Variants in TOGARAM2 observed in about 807,000 individuals in gnomAD.
TOGARAM2 encodes TOG array regulator of axonemal microtubules 2.
Under a neutral mutation model 93.3 loss-of-function variants are expected in TOGARAM2, and 85 were observed. The ratio of observed to expected loss-of-function variants is 0.91; its 90% confidence interval spans 0.76 to 1.09. The LOEUF is 1.09. Ranked by LOEUF, TOGARAM2 falls within the 50% of genes least tolerant of loss-of-function variation. TOGARAM2 has a pLI of 0.00. For synonymous variants in TOGARAM2, 593 were observed against 552.8 expected, an observed-to-expected ratio of 1.07 and a Z score of -1.02; for missense variants, 1,277 against 1,334.5, an observed-to-expected ratio of 0.96 and a Z score of 0.67.
At position 28,994,818 on chromosome 2, in the gene TOGARAM2, C is replaced by T; in HGVS notation, c.-17C>T. On this transcript the variant is annotated 5_prime_UTR_variant, in exon 2 of 20. Transcript: ENST00000379558. ...CTGCCTCTGGGCAACCTTGTAGGCA[C>T]CTTCTCCACCCAGGACATGGGCACC... 5 of 1,552,126 alleles carry T rather than the reference C, an allele frequency of 3.2e-6. No individual in the cohort carries two copies. The highest frequency in any genetic ancestry group is 4.4e-6 in the Non-Finnish European group (5 of 1,147,206).
At chr2:29,027,065 T>G in intron 14 of TOGARAM2, 54 bp downstream of exon 14, 1 of 1,481,546 alleles carries the variant, frequency 6.7e-7, no homozygotes, top group South Asian at 1.4e-5. Context: ...CAGCCAGCCC[T>G]GAGGGGCCTG....
At chr2:29,005,983 G>A (rs1663758217) in intron 6 of TOGARAM2, among the ~76,000 whole-genome samples, 1 of 141,598 alleles carries the variant, frequency 7.1e-6, no homozygotes, top group African/African-American at 2.6e-5. Context: ...GACCGTATGA[G>A]TGCATGTGTA....
At chr2:28,997,487 C>A (rs1374832711) in intron 2 of TOGARAM2, among the ~76,000 whole-genome samples, 2 of 152,208 alleles carry the variant, frequency 1.3e-5, no homozygotes, top group Non-Finnish European at 2.9e-5. Flanking sequence ...TCAAGTCTCA[C>A]TGAGGACTGA....
intron 6 of TOGARAM2, among the ~76,000 whole-genome samples, chr2:29,009,899 C>T (rs952730117): frequency 6.6e-6 from 1 of 152,110 alleles, no homozygotes; most frequent in Non-Finnish European, 1.5e-5. Flanking sequence ...ATCGGCATGG[C>T]CTGTCTTGGC....
In TOGARAM2 at chr2:29,022,191, C is replaced by A. The variant is rs1277464381; in HGVS notation, c.1394C>A (p.Ser465Tyr). 6.2e-7 allele frequency: 1 copy of A among 1,614,002 alleles called. No homozygotes were observed. Among genetic ancestry groups the A allele is most frequent in the Admixed American group, 1.7e-5 (1 of 60,032 alleles). ...NSLPAVLTLG[S>Y]PEWEEEEEMD... ...TTACCTGCGGTGCTCACGTTGGGGT[C>A]TCCTGAATGGGAAGAAGAGGAGGAG... The change falls in exon 11 of 20, where the codon TCT (serine) becomes TAT (tyrosine). Residue 465 changes from serine (S) to tyrosine (Y), a missense_variant. By Grantham distance (144) the Ser-to-Tyr change is moderately radical (BLOSUM62 -2). Coordinates refer to ENST00000379558, the MANE Select transcript of TOGARAM2 (RefSeq NM_199280.4).
chr2:28,981,439 C>G lies in TOGARAM2; in HGVS notation c.-210C>G, dbSNP rs1010602885. 3 of 152,402 alleles carry G rather than the reference C, an allele frequency of 2.0e-5. No individual in the cohort carries two copies. The highest frequency in any genetic ancestry group is 1.3e-4 in the Admixed American group (2 of 15,288). 9.4% of individuals were successfully genotyped at this position (152,402 alleles called of 1,614,324 possible). A position where few individuals can be genotyped will look rare whatever the true frequency, so the allele number is the denominator to read the frequency against. On this transcript the variant is annotated 5_prime_UTR_variant, in exon 1 of 20. Coordinates refer to ENST00000379558, the MANE Select transcript of TOGARAM2 (RefSeq NM_199280.4). ...CAGGGTGGGCCAGGCCTGGGGCTGCCCCGTCCTTGCCTCCCTGGGCCCATG... is the reference window on the plus strand; with the variant it reads ...CAGGGTGGGCCAGGCCTGGGGCTGCGCCGTCCTTGCCTCCCTGGGCCCATG...
At chr2:28,995,542 G>A (rs899355017) in intron 2 of TOGARAM2, among the ~76,000 whole-genome samples, 1 of 152,182 alleles carries the variant, frequency 6.6e-6, no homozygotes, top group Admixed American at 6.5e-5. Context: ...CATATGAATC[G>A]GAAAAGACCT....
Position 28,989,764 on chromosome 2 carries a change from A to G in TOGARAM2, c.-110-4961A>G, listed in dbSNP as rs1483746312. Reference sequence around the variant, plus strand: ...TGTTGGCCAGGCTGGTCTCGAACTCAAGCGATCAGACAGCCTTGGCCTCCC... The same window carrying G: ...TGTTGGCCAGGCTGGTCTCGAACTCGAGCGATCAGACAGCCTTGGCCTCCC... On this transcript the variant is annotated intron_variant, in intron 1 of 19. Transcript: ENST00000379558. 2.0e-5 allele frequency among the ~76,000 whole-genome samples: 3 copies of G among 152,220 alleles called. No individual in the cohort carries two copies. The East Asian group carries it at 5.8e-4, about 29-fold the overall frequency.
At chr2:29,032,655 A>C in intron 14 of TOGARAM2, 1 of 329,370 alleles carries the variant, frequency 3.0e-6, no homozygotes, top group South Asian at 4.6e-5. Flanking sequence ...AGCTGAATAC[A>C]ACTTGTATAT....
chr2:29,024,385 G>T lies in TOGARAM2; in HGVS notation c.1853+11G>T. The T allele has an allele frequency of 6.3e-7, 1 of 1,593,998 alleles. No homozygotes were observed. The highest frequency in any genetic ancestry group is 8.5e-7 in the Non-Finnish European group (1 of 1,170,030). On this transcript the variant is annotated intron_variant, in intron 13 of 19. Coordinates refer to ENST00000379558, the MANE Select transcript of TOGARAM2 (RefSeq NM_199280.4). ...CTCGGCGGGTGTCTAGTATGTGGCT[G>T]CCTGTTGTCTGAGGGGCGGGGAAGT...
chr2:29,005,149 ATGTTGTGTGTG>A lies in TOGARAM2; in HGVS notation c.830+1468_830+1478del, dbSNP rs1673619834. Among the ~76,000 whole-genome samples, 3 of 11,708 alleles carry A rather than the reference ATGTTGTGTGTG, an allele frequency of 2.6e-4. No individual in the cohort carries two copies. In the South Asian group the frequency reaches 7.9e-3, roughly 31 times the overall value. 7.7% of individuals were successfully genotyped at this position (11,708 alleles called of 152,430 possible). ...TGTGCATGTGTATGTGTGTGAGTGC[ATGTTGTGTGTG>A]AGTGCATGTGTAAGGGCATATGTGT... is the stretch of plus-strand genomic sequence containing the variant. On this transcript the variant is annotated intron_variant, in intron 6 of 19. Coordinates refer to ENST00000379558, the MANE Select transcript of TOGARAM2 (RefSeq NM_199280.4).
chr2:28,991,429 C>T (rs185688791), intron 1 of TOGARAM2, among the ~76,000 whole-genome samples: 44 of 152,320 alleles, frequency 2.9e-4, no homozygotes, highest in African/African-American at 9.9e-4. Flanking sequence ...GTAAACGCTG[C>T]CACCTTTCCC....
In TOGARAM2 at chr2:29,051,891, T is replaced by C; in HGVS notation, c.2858T>C (p.Val953Ala). The change falls in exon 20 of 20, where the codon GTG becomes GCG. Residue 953 changes from valine to alanine, a missense_variant. Physicochemically the swap from Val to Ala is moderately conservative, Grantham distance 64. Coordinates refer to ENST00000379558, the MANE Select transcript of TOGARAM2 (RefSeq NM_199280.4). ...PGPSGNIRGV[V>A]CRLSRSLQEH... ...CCCAGCGGGAACATCCGCGGGGTGGTGTGCCGGCTGTCCAGGAGCCTCCAG... is the reference window on the plus strand; with the variant it reads ...CCCAGCGGGAACATCCGCGGGGTGGCGTGCCGGCTGTCCAGGAGCCTCCAG... The C allele has an allele frequency of 6.3e-7, 1 of 1,578,960 alleles. No individual in the cohort carries two copies. Among genetic ancestry groups the C allele is most frequent in the Admixed American group, 1.8e-5 (1 of 54,484 alleles).
chr2:29,012,835 C>T (rs952044028), intron 7 of TOGARAM2, among the ~76,000 whole-genome samples: 2 of 152,202 alleles, frequency 1.3e-5, no homozygotes, highest in African/African-American at 4.8e-5. Flanking sequence ...TTCCTGCAGT[C>T]CTTGCCCTGG....
At chr2:28,960,261 G>C (rs1671784649) in intron 1 of TOGARAM2, among the ~76,000 whole-genome samples, 1 of 152,120 alleles carries the variant, frequency 6.6e-6, no homozygotes, top group African/African-American at 2.4e-5. Flanking sequence ...CTACTTCAGG[G>C]TGACGTGCCT....
rs759571176 is a variant in TOGARAM2 at position 29,033,528 on chromosome 2, G to T, written c.2190G>T (p.Leu730=). The T allele has an allele frequency of 6.2e-7, 1 of 1,613,788 alleles. No individual in the cohort carries two copies. Among genetic ancestry groups the T allele is most frequent in the Non-Finnish European group, 8.5e-7 (1 of 1,179,846 alleles). ...SAKGRKVLRS[L]VVCENGLPIK... is the part of the protein sequence containing the mutation. ...AAGGCCGCAAGGTGTTGAGGAGTCT[G>T]GTGGTGTGTGAGAACGGGCTGCCCA... Residue 730 remains leucine, a synonymous_variant, in exon 16 of 20, where the codon CTG becomes CTT. Coordinates refer to ENST00000379558, the MANE Select transcript of TOGARAM2 (RefSeq NM_199280.4).
intron 1 of TOGARAM2, among the ~76,000 whole-genome samples, chr2:28,981,973 G>A (rs1361442367): frequency 6.6e-6 from 1 of 152,198 alleles, no homozygotes; most frequent in East Asian, 1.9e-4. Flanking sequence ...GGGTGCTGGG[G>A]CACCCCGTGA....
At position 28,999,164 on chromosome 2, in the gene TOGARAM2, A is replaced by C; in HGVS notation, c.140-17A>C. 6.3e-7 allele frequency: 1 copy of C among 1,594,060 alleles called. No homozygotes were observed. The highest frequency in any genetic ancestry group is 1.7e-5 in the Admixed American group (1 of 58,160). ...GGGTACTGCGTGCCAAGCCATTCACACCTCTGTCCCCCTCAGGTTCTCTCC... is the reference window on the plus strand; with the variant it reads ...GGGTACTGCGTGCCAAGCCATTCACCCCTCTGTCCCCCTCAGGTTCTCTCC... On this transcript the variant is annotated splice_polypyrimidine_tract_variant and intron_variant, in intron 3 of 19. Transcript: ENST00000379558.
chr2:29,051,496 T>TA (rs1197725046), intron 19 of TOGARAM2: 22 of 320,992 alleles, frequency 6.9e-5, no homozygotes, highest in Non-Finnish European at 1.1e-4. Flanking sequence ...CCTTTCTCCA[T>TA]AAAAAATATT....
Sources: allele counts gnomAD v4.1 joint callset (sites outside exome capture counted in the v4.1 genomes callset), GRCh38; gene constraint gnomAD v4.1.1; transcripts MANE v1.5; gene names NCBI Gene and HGNC (gene_info 2026-07-23, HGNC 2026-07-21).